SGCZ: variants seen among roughly 807,000 people sequenced by gnomAD.
SGCZ encodes the protein sarcoglycan zeta.
SGCZ carries 40 observed loss-of-function variants against 41.3 expected under a neutral mutation model. The observed-to-expected ratio is 0.97, with a 90% CI of 0.75 to 1.26. The LOEUF is 1.26. Among genes scored for constraint, SGCZ ranks in the 50% most tolerant of loss-of-function variants. The pLI, the probability that SGCZ is intolerant of heterozygous loss-of-function variation, is 0.00. For missense variants in SGCZ, 552 were observed against 369.8 expected (o/e 1.49, Z -4.04); for synonymous variants, 206 against 137.5 (o/e 1.50, Z -3.49).
intron 1 of SGCZ, among the ~76,000 whole-genome samples, chr8:14,657,642 C>G (rs1807619269): frequency 6.6e-6 from 1 of 151,486 alleles, no homozygotes; most frequent in African/African-American, 2.4e-5. Flanking sequence ...ACTCTTTAAT[C>G]AGATAGTGAA....
intron 1 of SGCZ, among the ~76,000 whole-genome samples, chr8:14,865,240 G>T (rs1346990691): frequency 3.3e-5 from 5 of 151,932 alleles, no homozygotes; most frequent in African/African-American, 1.2e-4. Flanking sequence ...CCTGCGTCCA[G>T]GTCTCTTCTG....
intron 1 of SGCZ, among the ~76,000 whole-genome samples, chr8:14,562,097 A>G (rs1804223503): frequency 6.6e-6 from 1 of 152,152 alleles, no homozygotes; most frequent in Non-Finnish European, 1.5e-5. Context: ...GGGAGAAAAA[A>G]TAACTAGGGT....
chr8:14,245,695 A>T (rs1385336035), intron 3 of SGCZ, among the ~76,000 whole-genome samples: 1 of 152,180 alleles, frequency 6.6e-6, no homozygotes, highest in Non-Finnish European at 1.5e-5. Context: ...CAACCTACTC[A>T]TCTGACAAAG....
At chr8:14,710,306 C>T (rs182638136) in intron 1 of SGCZ, among the ~76,000 whole-genome samples, 1 of 145,008 alleles carries the variant, frequency 6.9e-6, no homozygotes, top group Non-Finnish European at 1.5e-5. Context: ...GCAGGCAGAG[C>T]TTGCAGTGAG....
At chr8:14,301,697 G>T (rs1479754470) in intron 3 of SGCZ, among the ~76,000 whole-genome samples, 1 of 151,982 alleles carries the variant, frequency 6.6e-6, no homozygotes, top group African/African-American at 2.4e-5. Flanking sequence ...TTTGACAAAA[G>T]GTAGAAAAAG....
At chr8:14,198,695 G>A (rs997586114) in intron 4 of SGCZ, among the ~76,000 whole-genome samples, 6 of 152,098 alleles carry the variant, frequency 3.9e-5, no homozygotes, top group African/African-American at 1.4e-4. Context: ...GTGAAGTCAG[G>A]GACCACAAAC....
chr8:14,707,849 A>T (rs1809382444), intron 1 of SGCZ, among the ~76,000 whole-genome samples: 1 of 152,154 alleles, frequency 6.6e-6, no homozygotes, highest in Non-Finnish European at 1.5e-5. Context: ...GTTTAACTTC[A>T]GTTTGATTAA....
chr8:14,408,887 T>A (rs996041541), intron 2 of SGCZ, among the ~76,000 whole-genome samples: 1 of 152,180 alleles, frequency 6.6e-6, no homozygotes, highest in African/African-American at 2.4e-5. Flanking sequence ...AAATTCTTTT[T>A]ATTCTCTTTT....
At chr8:14,162,942 C>G (rs2116980630) in intron 5 of SGCZ, among the ~76,000 whole-genome samples, 1 of 152,316 alleles carries the variant, frequency 6.6e-6, no homozygotes, top group Middle Eastern at 3.4e-3. Context: ...ATGATCTTGG[C>G]TCATTGCAGC....
At chr8:14,529,125 C>G (rs1803047370) in intron 2 of SGCZ, among the ~76,000 whole-genome samples, 1 of 152,148 alleles carries the variant, frequency 6.6e-6, no homozygotes, top group Non-Finnish European at 1.5e-5. Context: ...AAGTCCAGCA[C>G]ATGTGTAGTT....
rs544940303 is a variant in SGCZ, at chr8:15,215,024, T to C, written c.39+22561A>G. Among the ~76,000 whole-genome samples, 3 of 152,336 alleles carry C rather than the reference T, an allele frequency of 2.0e-5. No individual in the cohort carries two copies. In the South Asian group the frequency reaches 6.2e-4, roughly 32 times the overall value. Reference sequence around the variant, plus strand: ...TCATCTGCATGCTTCTTTAATTAAATGAGCAGGATAGTTTGCATCTTTTAA... The same window carrying C: ...TCATCTGCATGCTTCTTTAATTAAACGAGCAGGATAGTTTGCATCTTTTAA... On this transcript the variant is annotated intron_variant, in intron 1 of 7. Transcript: ENST00000382080.
rs145014357 is a variant in SGCZ at position 14,415,016 on chromosome 8, G to A, written c.235-90812C>T. 9.2e-5 allele frequency among the ~76,000 whole-genome samples: 14 copies of A among 151,858 alleles called. No individual in the cohort carries two copies. In the East Asian group the frequency reaches 2.7e-3, roughly 29 times the overall value. ...ATTTTGGAAAATTGTGCTTAATGAG[G>A]TGCTCGAAGATTTTACAAAATTATC... is the stretch of plus-strand genomic sequence containing the variant. On this transcript the variant is annotated intron_variant, in intron 2 of 7. Transcript: ENST00000382080.
intron 1 of SGCZ, among the ~76,000 whole-genome samples, chr8:15,193,634 C>A (rs1293095310): frequency 6.6e-6 from 1 of 152,036 alleles, no homozygotes; most frequent in Non-Finnish European, 1.5e-5. Context: ...TTTCTGGTGC[C>A]CGTATTTCTA....
At chr8:14,228,743 C>T (rs1344727370) in intron 4 of SGCZ, among the ~76,000 whole-genome samples, 3 of 152,082 alleles carry the variant, frequency 2.0e-5, no homozygotes, top group Admixed American at 6.6e-5. Flanking sequence ...TCCTATCACC[C>T]TCATTTATAT....
At chr8:14,293,087 A>T (rs1488505128) in intron 3 of SGCZ, among the ~76,000 whole-genome samples, 1 of 152,038 alleles carries the variant, frequency 6.6e-6, no homozygotes, top group Non-Finnish European at 1.5e-5. Flanking sequence ...ATTTTTCAAA[A>T]GTGATCTAAA....
intron 1 of SGCZ, among the ~76,000 whole-genome samples, chr8:14,591,946 A>G (rs1430099666): frequency 6.6e-6 from 1 of 152,142 alleles, no homozygotes; most frequent in Non-Finnish European, 1.5e-5. Flanking sequence ...CAGCTGAGGT[A>G]CACAATTTTC....
At chr8:15,157,521 A>G (rs753020497) in intron 1 of SGCZ, among the ~76,000 whole-genome samples, 12 of 152,218 alleles carry the variant, frequency 7.9e-5, no homozygotes, top group Non-Finnish European at 1.6e-4. Context: ...TGGAGTTCAT[A>G]CAAATTCACG....
intron 1 of SGCZ, among the ~76,000 whole-genome samples, chr8:14,952,413 G>T (rs894049338): frequency 7.9e-5 from 12 of 152,044 alleles, no homozygotes; most frequent in Admixed American, 7.9e-4. Context: ...ACTGCATGTT[G>T]CTGAGGCTTA....
chr8:14,808,423 G>A (rs1431142349), intron 1 of SGCZ, among the ~76,000 whole-genome samples: 4 of 152,060 alleles, frequency 2.6e-5, no homozygotes, highest in Non-Finnish European at 5.9e-5. Context: ...GTGGGCAAAG[G>A]ACGTGAACAG....
Sources: gnomAD v4.1 joint callset for allele counts (sites outside exome capture counted in the v4.1 genomes callset) on GRCh38, gnomAD v4.1.1 for gene constraint, MANE v1.5 for transcripts, NCBI Gene and HGNC (gene_info 2026-07-23, HGNC 2026-07-21) for gene names.